The following DIPK2B variants were observed in gnomAD, a reference collection of about 807,000 sequenced individuals.
DIPK2B encodes divergent protein kinase domain 2B.
Under a neutral mutation model 22.2 loss-of-function variants are expected in DIPK2B, and 15 were observed. The ratio of observed to expected loss-of-function variants is 0.68; its 90% CI spans 0.45 to 1.04. The LOEUF is 1.04. DIPK2B is among the 50% of genes least tolerant of loss of function. The pLI, the probability that DIPK2B is intolerant of heterozygous loss-of-function variation, is 0.00. For missense variants in DIPK2B, 345 were observed against 348.3 expected (o/e 0.99, Z 0.08); for synonymous variants, 163 against 153.2 (o/e 1.06, Z -0.47).
intron 2 of DIPK2B, among the ~76,000 whole-genome samples, chrX:45,166,189 G>T (rs1416019099): frequency 8.9e-6 from 1 of 111,790 alleles, no homozygotes; most frequent in Non-Finnish European, 1.9e-5. Flanking sequence ...CATGAGTGAG[G>T]GTGATTGGGG....
At chrX:45,173,204 C>A (rs769805561) in intron 2 of DIPK2B, among the ~76,000 whole-genome samples, 1 of 112,124 alleles carries the variant, frequency 8.9e-6, no homozygotes, top group South Asian at 3.7e-4. Flanking sequence ...TGTCACATCA[C>A]CTTTGGCTTT....
intron 2 of DIPK2B, among the ~76,000 whole-genome samples, chrX:45,168,474 G>A (rs919576867): frequency 4.4e-5 from 5 of 112,544 alleles, no homozygotes; most frequent in South Asian, 3.7e-4. Context: ...AGCCTGTCTC[G>A]TAGGCCTACA....
Position 45,152,080 on chromosome X carries a change from G to A in DIPK2B, c.962-88C>T, listed in dbSNP as rs747026482. On this transcript the variant is annotated intron_variant, in intron 4 of 4. Transcript: ENST00000398000. ...CTAATTAGAATTCCTGGGTGGGGCC[G>A]GGCGCGGTGGCTCATGCCTGTAATC... 36 of 904,910 alleles carry A rather than the reference G, an allele frequency of 4.0e-5. No homozygotes were observed. In the South Asian group the frequency reaches 5.1e-4, roughly 13 times the overall value. 74.6% of individuals were successfully genotyped at this position (904,910 alleles called of 1,213,427 possible). A position where few individuals can be genotyped will look rare whatever the true frequency, so the allele number is the denominator to read the frequency against.
rs536436673 is a variant in DIPK2B, at chrX:45,167,538, A to G, written c.499-9650T>C. ...AAAAAAAGAGGAGAAACATCTCACA[A>G]TTGTTTTCCTACTACAGTACATGAA... is the stretch of plus-strand genomic sequence containing the variant. On this transcript the variant is annotated intron_variant, in intron 2 of 4. Transcript: ENST00000398000. 7.3e-5 allele frequency among the ~76,000 whole-genome samples: 8 copies of G among 108,913 alleles called. No homozygotes were observed. The South Asian group carries it at 3.2e-3, about 43-fold the overall frequency. The allele number at this position is 108,913 out of a possible 115,157, so 94.6% of individuals were successfully genotyped here. A position where few individuals can be genotyped will look rare whatever the true frequency, so the allele number is the denominator to read the frequency against.
chrX:45,176,281 A>G (rs925055985), intron 2 of DIPK2B, among the ~76,000 whole-genome samples: 7 of 111,541 alleles, frequency 6.3e-5, no homozygotes, highest in African/African-American at 2.3e-4. Context: ...GTTTCCACAC[A>G]TTACTGCAGC....
Position 45,151,506 on chromosome X carries a change from A to G in DIPK2B, c.*146T>C. On this transcript the variant is annotated 3_prime_UTR_variant, in exon 5 of 5. Transcript: ENST00000398000. The stretch of plus-strand genomic sequence containing the variant: ...AGCAGAGACAGCCACGTGGTATCTC[A>G]CAACTCCCCTCTCAGTCCCTAAGAA... The G allele has an allele frequency of 1.6e-6, 1 of 610,688 alleles. No homozygotes were observed. The highest frequency in any genetic ancestry group is 2.5e-6 in the Non-Finnish European group (1 of 402,616). The allele number at this position is 610,688 out of a possible 1,213,427, so 50.3% of individuals were successfully genotyped here.
At chrX:45,168,877 G>T (rs1286907323) in intron 2 of DIPK2B, among the ~76,000 whole-genome samples, 3 of 112,147 alleles carry the variant, frequency 2.7e-5, no homozygotes, top group Non-Finnish European at 5.6e-5. Flanking sequence ...CCCTTTGGGA[G>T]GCAGTCCAAT....
intron 1 of DIPK2B, among the ~76,000 whole-genome samples, chrX:45,195,505 G>T (rs1010837822): frequency 2.7e-5 from 3 of 111,958 alleles, no homozygotes; most frequent in African/African-American, 9.7e-5. Context: ...AAAGCCTGTA[G>T]ATATGCCTTT....
At chrX:45,164,007 G>A (rs1305491950) in intron 2 of DIPK2B, 1 of 985,836 alleles carries the variant, frequency 1.0e-6, no homozygotes, top group Admixed American at 5.0e-5. Context: ...TGCAAAGGTA[G>A]CCTGTTGCTG....
At position 45,151,367 on chromosome X, in the gene DIPK2B, C is replaced by G; in HGVS notation, c.*285G>C. On this transcript the variant is annotated 3_prime_UTR_variant, in exon 5 of 5. Coordinates refer to ENST00000398000, the MANE Select transcript of DIPK2B (RefSeq NM_176819.4). ...GTGGCTCCATCTGTGTCTTCTTTCACCCTCAGGAGAGTCTGGTGGAGAACA... is the reference window on the plus strand; with the variant it reads ...GTGGCTCCATCTGTGTCTTCTTTCAGCCTCAGGAGAGTCTGGTGGAGAACA... The G allele has an allele frequency of 2.8e-6, 1 of 353,205 alleles. No individual in the cohort carries two copies. The highest frequency in any genetic ancestry group is 4.9e-6 in the Non-Finnish European group (1 of 203,721). The allele number at this position is 353,205 out of a possible 1,213,427, so 29.1% of individuals were successfully genotyped here. A position where few individuals can be genotyped will look rare whatever the true frequency, so the allele number is the denominator to read the frequency against.
chrX:45,178,825 A>G (rs1726548550), intron 2 of DIPK2B, among the ~76,000 whole-genome samples: 1 of 111,619 alleles, frequency 9.0e-6, no homozygotes, highest in South Asian at 3.7e-4. Context: ...CCAAGCAGAT[A>G]TTTCAGAGGC....
At chrX:45,164,980 G>A (rs771308567) in intron 2 of DIPK2B, among the ~76,000 whole-genome samples, 2 of 111,044 alleles carry the variant, frequency 1.8e-5, no homozygotes, top group East Asian at 2.8e-4. Context: ...AGAAAGATGG[G>A]GGGACAAGCC....
rs201295747 is a variant in DIPK2B at position 45,158,639 on chromosome X, T to TA, written c.499-752dup. Among the ~76,000 whole-genome samples the TA allele has an allele frequency of 8.9e-3, 958 of 107,950 alleles. 2 individuals carry two copies. The highest frequency in any genetic ancestry group is 0.012 in the Non-Finnish European group (598 of 51,928). The allele number at this position is 107,950 out of a possible 115,157, so 93.7% of individuals were successfully genotyped here. On this transcript the variant is annotated intron_variant, in intron 2 of 4. Transcript: ENST00000398000. ...ACAAAGAAGAGCATGAACCTCCTGA[T>TA]AAAAAAAAATAGAGTTAAGAACAAG...
intron 1 of DIPK2B, among the ~76,000 whole-genome samples, chrX:45,197,454 T>A (rs754010525): frequency 1.3e-4 from 15 of 111,792 alleles, no homozygotes; most frequent in Non-Finnish European, 2.6e-4. Flanking sequence ...GCCAGGATGG[T>A]CTTGATCTCC....
intron 2 of DIPK2B, among the ~76,000 whole-genome samples, chrX:45,158,607 A>G (rs1480464176): frequency 9.2e-6 from 1 of 108,634 alleles, no homozygotes; most frequent in East Asian, 2.9e-4. Context: ...CTTTTTCCCC[A>G]TGCTGAACAA....
At chrX:45,175,385 T>G (rs141673617) in intron 2 of DIPK2B, among the ~76,000 whole-genome samples, 3,171 of 110,390 alleles carry the variant, frequency 0.029, 118 homozygotes, top group African/African-American at 0.099. Flanking sequence ...TGGAGGCTAT[T>G]ATGAGATATA....
intron 2 of DIPK2B, among the ~76,000 whole-genome samples, chrX:45,166,096 T>G (rs1319453939): frequency 9.0e-6 from 1 of 111,520 alleles, no homozygotes; most frequent in Non-Finnish European, 1.9e-5. Flanking sequence ...AGCCAATTAT[T>G]CTGATTCCCT....
intron 2 of DIPK2B, chrX:45,162,634 A>G (rs2047027892): frequency 5.3e-6 from 4 of 754,724 alleles, no homozygotes; most frequent in Non-Finnish European, 6.3e-6. Context: ...TTTGGGGATT[A>G]CCAATTGCTT....
At chrX:45,163,655 C>T in intron 2 of DIPK2B, 3 of 754,481 alleles carry the variant, frequency 4.0e-6, no homozygotes, top group Non-Finnish European at 4.7e-6. Context: ...GATTTCATGA[C>T]TCTGATGGAG....
Sources: gnomAD v4.1 joint callset for allele counts (sites outside exome capture counted in the v4.1 genomes callset) on GRCh38, gnomAD v4.1.1 for gene constraint, MANE v1.5 for transcripts, NCBI Gene and HGNC (gene_info 2026-07-23, HGNC 2026-07-21) for gene names.